The following PPP4R1 variants were observed in gnomAD, a reference collection of about 807,000 sequenced individuals.
PPP4R1 encodes the protein serine/threonine-protein phosphatase 4 regulatory subunit 1.
Under a neutral mutation model 111.2 loss-of-function variants are expected in PPP4R1, and 42 were observed. The observed-to-expected ratio is 0.38, with a 90% confidence interval of 0.29 to 0.49. The LOEUF (loss-of-function observed/expected upper bound fraction) is 0.49. PPP4R1 is among the 20% of genes least tolerant of loss of function. The pLI is 0.97. For synonymous variants in PPP4R1, 409 were observed against 405.5 expected (o/e 1.01, Z -0.10); for missense variants, 1,012 against 1,161.6 (o/e 0.87, Z 1.87).
At chr18:9,583,037 T>G (rs537885408) in intron 9 of PPP4R1, 80 bp downstream of exon 9, 4 of 1,247,872 alleles carry the variant, frequency 3.2e-6, no homozygotes, top group African/African-American at 1.5e-5. Flanking sequence ...TATAAGTTAT[T>G]TCTTATGAGG....
At chr18:9,597,168 C>T (rs190295369) in intron 2 of PPP4R1, among the ~76,000 whole-genome samples, 7 of 152,168 alleles carry the variant, frequency 4.6e-5, no homozygotes, top group South Asian at 2.1e-4. Context: ...ATAAAACATA[C>T]GAAGCCATGG....
At chr18:9,567,322 G>C (rs973406455) in intron 11 of PPP4R1, among the ~76,000 whole-genome samples, 1 of 152,218 alleles carries the variant, frequency 6.6e-6, no homozygotes, top group East Asian at 1.9e-4. Flanking sequence ...GAAAACGTGA[G>C]TGAAATGCTA....
chr18:9,547,671 G>T lies in PPP4R1; in HGVS notation c.*118C>A. 7.9e-7 allele frequency: 1 copy of T among 1,268,738 alleles called. No homozygotes were observed. Among genetic ancestry groups the T allele is most frequent in the Admixed American group, 2.0e-5 (1 of 49,172 alleles). 78.6% of individuals were successfully genotyped at this position (1,268,738 alleles called of 1,614,324 possible). A position where few individuals can be genotyped will look rare whatever the true frequency, so the allele number is the denominator to read the frequency against. On this transcript the variant is annotated 3_prime_UTR_variant, in exon 20 of 20. Transcript: ENST00000400556. The stretch of plus-strand genomic sequence containing the variant: ...GTAGGCAACTTGCACCTGCAATGAA[G>T]TCCGCAGGAGAGGAAGGTCTCTCCT...
chr18:9,614,399 C>G lies in PPP4R1; in HGVS notation c.7+79G>C. 9.8e-7 allele frequency: 1 copy of G among 1,017,272 alleles called. No homozygotes were observed. Among genetic ancestry groups the G allele is most frequent in the Non-Finnish European group, 1.2e-6 (1 of 850,240 alleles). The allele number at this position is 1,017,272 out of a possible 1,614,324, so 63.0% of individuals were successfully genotyped here. A position where few individuals can be genotyped will look rare whatever the true frequency, so the allele number is the denominator to read the frequency against. Reference sequence around the variant, plus strand: ...CCGGGACCCCACGCCGGCCCCGGCCCGGCAGCCACTCAGGGCTGCGGCGGA... The same window carrying G: ...CCGGGACCCCACGCCGGCCCCGGCCGGGCAGCCACTCAGGGCTGCGGCGGA... On this transcript the variant is annotated intron_variant, in intron 1 of 19. Coordinates refer to ENST00000400556, the MANE Select transcript of PPP4R1 (RefSeq NM_001042388.3). The surrounding 1 kb of genome is among the most constrained non-coding windows in gnomAD (Gnocchi z 4.1).
intron 2 of PPP4R1, among the ~76,000 whole-genome samples, chr18:9,608,121 T>C (rs1055282983): frequency 2.6e-5 from 4 of 152,180 alleles, no homozygotes; most frequent in African/African-American, 9.7e-5. Flanking sequence ...ATTCTACTTC[T>C]AGATGTATAC....
chr18:9,576,764 T>C (rs894591888), intron 10 of PPP4R1, among the ~76,000 whole-genome samples: 18 of 148,938 alleles, frequency 1.2e-4, no homozygotes, highest in African/African-American at 3.2e-4. Context: ...CTAAATAATG[T>C]ACTAAATAAA....
intron 15 of PPP4R1, among the ~76,000 whole-genome samples, chr18:9,554,746 C>T (rs1278747953): frequency 6.6e-6 from 1 of 152,154 alleles, no homozygotes; most frequent in Admixed American, 6.5e-5. Context: ...ATAGCTGACT[C>T]CAGGCTGGGA....
rs2093005044 is a variant in PPP4R1, at chr18:9,570,256, G to C, written c.1474C>G (p.Pro492Ala). The change falls in exon 11 of 20, where the codon CCT becomes GCT. Residue 492 changes from proline to alanine, a missense_variant. By Grantham distance (27) the Pro-to-Ala change is conservative. Coordinates refer to ENST00000400556, the MANE Select transcript of PPP4R1 (RefSeq NM_001042388.3). ...GTGATGTTTGGAGAACTGGGCACAGGGCCCTCAGATTCTTCCTCTGGTCCC... is the reference window on the plus strand; with the variant it reads ...GTGATGTTTGGAGAACTGGGCACAGCGCCCTCAGATTCTTCCTCTGGTCCC... ...PEGPEEESEG[P>A]VPSSPNITMA... The C allele has an allele frequency of 6.2e-7, 1 of 1,609,304 alleles. No individual in the cohort carries two copies. The highest frequency in any genetic ancestry group is 8.5e-7 in the Non-Finnish European group (1 of 1,178,226).
intron 11 of PPP4R1, among the ~76,000 whole-genome samples, chr18:9,566,505 G>A (rs917041688): frequency 6.6e-6 from 1 of 151,968 alleles, no homozygotes; most frequent in African/African-American, 2.4e-5. Flanking sequence ...AAAAAAACTA[G>A]CCAGGCATGG....
At chr18:9,559,337 C>A in intron 14 of PPP4R1, 82 bp downstream of exon 14, 1 of 1,304,950 alleles carries the variant, frequency 7.7e-7, no homozygotes, top group South Asian at 1.9e-5. Flanking sequence ...AGAACATGAA[C>A]AGAAATTCTT....
rs1385075500 is a variant in PPP4R1 at position 9,577,098 on chromosome 18, T to A, written c.1012A>T (p.Ser338Cys). ...SGQYFKEESKSSEEMSVENKN... is the reference protein window; with the variant it reads ...SGQYFKEESKCSEEMSVENKN... ...TTTTCTACTGACATCTCTTCTGAAC[T>A]TTTGCTTTCTTCTTTAAAATACTGG... The change falls in exon 10 of 20, where the codon AGT becomes TGT. Residue 338 changes from serine to cysteine, a missense_variant. Transcript: ENST00000400556. The A allele has an allele frequency of 1.3e-6, 2 of 1,594,336 alleles. No homozygotes were observed. The highest frequency in any genetic ancestry group is 1.7e-6 in the Non-Finnish European group (2 of 1,168,484).
chr18:9,590,252 A>T (rs2067189118), intron 4 of PPP4R1: 2 of 152,238 alleles, frequency 1.3e-5, no homozygotes, highest in African/African-American at 4.8e-5. Flanking sequence ...ACATACCTTT[A>T]AGTAGATAAT....
At chr18:9,574,119 T>A (rs2066902684) in intron 10 of PPP4R1, among the ~76,000 whole-genome samples, 1 of 151,440 alleles carries the variant, frequency 6.6e-6, no homozygotes, top group Non-Finnish European at 1.5e-5. Flanking sequence ...ACAAGACAAA[T>A]TTTTTTTTGA....
chr18:9,606,639 A>G (rs1388742442), intron 2 of PPP4R1, among the ~76,000 whole-genome samples: 1 of 152,072 alleles, frequency 6.6e-6, no homozygotes, highest in Non-Finnish European at 1.5e-5. Context: ...TAAGGCAAGA[A>G]TAATTTGCTG....
intron 5 of PPP4R1, 39 bp downstream of exon 5, chr18:9,588,672 C>A (rs763187447): frequency 6.5e-7 from 1 of 1,535,138 alleles, no homozygotes; most frequent in South Asian, 1.2e-5. Context: ...TATTACACTA[C>A]GTAAATTTCT....
intron 2 of PPP4R1, among the ~76,000 whole-genome samples, chr18:9,608,808 T>C (rs897278396): frequency 5.9e-5 from 9 of 152,226 alleles, no homozygotes; most frequent in Non-Finnish European, 1.0e-4. Flanking sequence ...AATAGTTTAA[T>C]AAACATACAT....
chr18:9,588,256 C>G (rs778403201), intron 5 of PPP4R1, 21 bp from the exon 6 acceptor site: 2 of 1,609,324 alleles, frequency 1.2e-6, no homozygotes, highest in Non-Finnish European at 1.7e-6. Context: ...AATAACAACA[C>G]AAAGAAAGTA....
At chr18:9,556,076 G>A (rs1180175558) in intron 15 of PPP4R1, among the ~76,000 whole-genome samples, 3 of 150,190 alleles carry the variant, frequency 2.0e-5, no homozygotes, top group Non-Finnish European at 4.4e-5. Flanking sequence ...CAGGAGAATT[G>A]CTTGAACCTG....
intron 2 of PPP4R1, among the ~76,000 whole-genome samples, chr18:9,609,958 A>C (rs1165890695): frequency 6.6e-6 from 1 of 152,256 alleles, no homozygotes; most frequent in African/African-American, 2.4e-5. Flanking sequence ...TTAGAATACC[A>C]CAGCCTACAC....
Sources: allele counts gnomAD v4.1 joint callset (sites outside exome capture counted in the v4.1 genomes callset), GRCh38; gene constraint gnomAD v4.1.1; non-coding constraint Gnocchi (gnomAD v3.1); transcripts MANE v1.5; gene names NCBI Gene and HGNC (gene_info 2026-07-23, HGNC 2026-07-21).